The following PTRH2 variants were observed in gnomAD, a reference collection of about 807,000 sequenced individuals.
PTRH2 encodes peptidyl-tRNA hydrolase 2, also known as peptidyl-tRNA hydrolase 2, mitochondrial.
PTRH2 carries 10 observed loss-of-function variants against 12.3 expected under a neutral mutation model. The observed-to-expected ratio is 0.81, with a 90% CI of 0.50 to 1.38. The LOEUF (loss-of-function observed/expected upper bound fraction) is 1.38, where lower values mean the gene tolerates loss of function less well. Ranked by LOEUF, PTRH2 falls within the 40% of genes most tolerant of loss-of-function variation. The probability of loss-of-function intolerance (pLI) is 0.00; values close to 1 mark genes in which losing one functional copy is unlikely to be tolerated. For synonymous variants in PTRH2, 73 were observed against 77.4 expected, an observed-to-expected ratio of 0.94 and a Z score of 0.30; for missense variants, 176 against 214.1, an observed-to-expected ratio of 0.82 and a Z score of 1.11.
chr17:59,704,873 C>G (rs916925455), intron 1 of PTRH2, among the ~76,000 whole-genome samples: 5 of 152,144 alleles, frequency 3.3e-5, no homozygotes, highest in Admixed American at 2.0e-4. Flanking sequence ...ACTGCAACCT[C>G]TGCCTCCGGG....
At chr17:59,702,798 A>C (rs149384385) in intron 1 of PTRH2, among the ~76,000 whole-genome samples, 1 of 152,198 alleles carries the variant, frequency 6.6e-6, no homozygotes, top group Non-Finnish European at 1.5e-5. Context: ...CAAAAGCAAC[A>C]CATATTCAGT....
chr17:59,701,463 T>C lies in PTRH2; in HGVS notation c.1-3485A>G, dbSNP rs187216995. 1.1e-4 allele frequency: 17 copies of C among 152,272 alleles called. No individual in the cohort carries two copies. In the East Asian group the frequency reaches 2.9e-3, roughly 26 times the overall value. The allele number at this position is 152,272 out of a possible 1,614,324, so 9.4% of individuals were successfully genotyped here. A position where few individuals can be genotyped will look rare whatever the true frequency, so the allele number is the denominator to read the frequency against. ...ATTACAAAGAACATAGCTATAGGAA[T>C]GGGTATCTGAAATAGAAGTGTGACT... is the stretch of plus-strand genomic sequence containing the variant. On this transcript the variant is annotated intron_variant, in intron 1 of 1. Transcript: ENST00000393038.
intron 1 of PTRH2, among the ~76,000 whole-genome samples, chr17:59,705,279 G>A (rs2143652382): frequency 6.6e-6 from 1 of 152,292 alleles, no homozygotes; most frequent in African/African-American, 2.4e-5. Context: ...ACATAGAGAA[G>A]CTATTATGTG....
intron 1 of PTRH2, among the ~76,000 whole-genome samples, chr17:59,702,831 TTC>T (rs1056747240): frequency 1.3e-5 from 2 of 152,286 alleles, no homozygotes; most frequent in African/African-American, 2.4e-5. Flanking sequence ...CATACAAACA[TTC>T]TGTTTTTCAC....
chr17:59,700,865 T>C (rs2143643535), intron 1 of PTRH2: 1 of 152,256 alleles, frequency 6.6e-6, no homozygotes, highest in East Asian at 1.9e-4. Flanking sequence ...GGCAGGAAAG[T>C]ATTCCCCCTG....
chr17:59,701,955 C>T (rs1480640697), intron 1 of PTRH2, among the ~76,000 whole-genome samples: 3 of 151,540 alleles, frequency 2.0e-5, no homozygotes, highest in East Asian at 1.9e-4. Context: ...CCGCCCACCT[C>T]GGCCTCCCAA....
Position 59,697,620 on chromosome 17 carries a change from G to A in PTRH2, c.359C>T (p.Ala120Val), listed in dbSNP as rs1191611212. ...YCGQPKVVVKAPDEETLIALL... is the reference protein window; with the variant it reads ...YCGQPKVVVKVPDEETLIALL... ...TGCAATCAGGGTTTCTTCATCAGGA[G>A]CTTTGACCACCACCTTGGGCTGGCC... Residue 120 changes from alanine to valine, a missense_variant, in exon 2 of 2, where the codon GCT becomes GTT. Ala to Val is a moderately conservative substitution (Grantham distance 64). Coordinates refer to ENST00000393038, the MANE Select transcript of PTRH2 (RefSeq NM_016077.5). The A allele has an allele frequency of 1.2e-6, 2 of 1,614,074 alleles. No homozygotes were observed. Among genetic ancestry groups the A allele is most frequent in the Non-Finnish European group, 1.7e-6 (2 of 1,180,044 alleles).
At chr17:59,704,122 A>C (rs561253742) in intron 1 of PTRH2, among the ~76,000 whole-genome samples, 31 of 152,304 alleles carry the variant, frequency 2.0e-4, no homozygotes, top group African/African-American at 7.2e-4. Flanking sequence ...CCTTGTTCTT[A>C]ACATTACTAT....
At chr17:59,701,014 T>C (rs1243807857) in intron 1 of PTRH2, 1 of 152,240 alleles carries the variant, frequency 6.6e-6, no homozygotes, top group East Asian at 1.9e-4. Context: ...AATGGCAACA[T>C]ACTATTTGTG....
intron 1 of PTRH2, among the ~76,000 whole-genome samples, chr17:59,706,144 G>GT (rs555943071): frequency 1.2e-3 from 187 of 152,264 alleles, no homozygotes; most frequent in African/African-American, 4.4e-3. Context: ...TACGACAAGC[G>GT]TATCAATAAG....
At chr17:59,698,825 T>A (rs2033501091) in intron 1 of PTRH2, 1 of 709,708 alleles carries the variant, frequency 1.4e-6, no homozygotes, top group Non-Finnish European at 2.6e-6. Flanking sequence ...CTCCTGTAAT[T>A]TATTGAATAC....
chr17:59,697,891 C>A lies in PTRH2; in HGVS notation c.88G>T (p.Gly30Cys), dbSNP rs765174064. The change falls in exon 2 of 2, where the codon GGC (glycine) becomes TGC (cysteine). Residue 30 changes from glycine (G) to cysteine (C), a missense_variant. By Grantham distance (159) the Gly-to-Cys change is radical. Coordinates refer to ENST00000393038, the MANE Select transcript of PTRH2 (RefSeq NM_016077.5). The part of the protein sequence containing the change: ...AVGVACGMCL[G>C]WSLRVCFGML... ...CCAAAGCATACTCGAAGGCTCCAGCCCAGGCACATGCCACAAGCAACTCCA... is the reference window on the plus strand; with the variant it reads ...CCAAAGCATACTCGAAGGCTCCAGCACAGGCACATGCCACAAGCAACTCCA... 6 of 1,614,010 alleles carry A rather than the reference C, an allele frequency of 3.7e-6. No homozygotes were observed. In the South Asian group the frequency reaches 6.6e-5, roughly 18 times the overall value.
At chr17:59,705,269 AC>A (rs1214504004) in intron 1 of PTRH2, among the ~76,000 whole-genome samples, 1 of 152,254 alleles carries the variant, frequency 6.6e-6, no homozygotes, top group African/African-American at 2.4e-5. Context: ...GAACTGCTCT[AC>A]ATAGAGAAGC....
At chr17:59,703,562 T>A (rs891469109) in intron 1 of PTRH2, among the ~76,000 whole-genome samples, 2 of 152,150 alleles carry the variant, frequency 1.3e-5, no homozygotes, top group African/African-American at 4.8e-5. Flanking sequence ...TGGAGTGCAA[T>A]GGCACAATCT....
chr17:59,706,067 T>C (rs1469272536), intron 1 of PTRH2, among the ~76,000 whole-genome samples: 1 of 152,246 alleles, frequency 6.6e-6, no homozygotes, highest in Admixed American at 6.5e-5. Flanking sequence ...TCTAATCTCA[T>C]ATTAATCTGA....
Position 59,697,380 on chromosome 17 carries a change from A to G in PTRH2, c.*59T>C, listed in dbSNP as rs2033455922. On this transcript the variant is annotated 3_prime_UTR_variant, in exon 2 of 2. Coordinates refer to ENST00000393038, the MANE Select transcript of PTRH2 (RefSeq NM_016077.5). ...GTGAAGAAATTCAGCTTTTGTTGTT[A>G]GAATCTGACAGGCTTCAAACACTTG... The G allele has an allele frequency of 6.7e-7, 1 of 1,492,994 alleles. No homozygotes were observed. The highest frequency in any genetic ancestry group is 1.3e-5 in the South Asian group (1 of 76,320). 92.5% of individuals were successfully genotyped at this position (1,492,994 alleles called of 1,614,324 possible).
rs751148771 is a variant in PTRH2, at chr17:59,697,600, T to C, written c.379A>G (p.Ile127Val). The C allele has an allele frequency of 6.2e-7, 1 of 1,614,206 alleles. No homozygotes were observed. Among genetic ancestry groups the C allele is most frequent in the Non-Finnish European group, 8.5e-7 (1 of 1,180,034 alleles). The change falls in exon 2 of 2, where the codon ATT becomes GTT. Residue 127 changes from isoleucine (I) to valine (V), a missense_variant. Ile to Val is a conservative substitution (Grantham distance 29). Transcript: ENST00000393038. Reference sequence around the variant, plus strand: ...ATTTTTGCATGGGCCAATAATGCAATCAGGGTTTCTTCATCAGGAGCTTTG... The same window carrying C: ...ATTTTTGCATGGGCCAATAATGCAACCAGGGTTTCTTCATCAGGAGCTTTG... ...VVKAPDEETLIALLAHAKMLG... is the reference protein window; with the variant it reads ...VVKAPDEETLVALLAHAKMLG...
chr17:59,707,246 C>G (rs1394965586), intron 1 of PTRH2, 125 bp downstream of exon 1: 1 of 152,398 alleles, frequency 6.6e-6, no homozygotes, highest in Admixed American at 6.6e-5. Context: ...GGGCGGAAGA[C>G]AGTTTATAAA....
chr17:59,703,477 A>T (rs1598260455), intron 1 of PTRH2, among the ~76,000 whole-genome samples: 1 of 152,212 alleles, frequency 6.6e-6, no homozygotes, highest in Non-Finnish European at 1.5e-5. Flanking sequence ...CACCCAGCTC[A>T]TAAGTGGTCG....
Sources: allele counts gnomAD v4.1 joint callset (sites outside exome capture counted in the v4.1 genomes callset), GRCh38; gene constraint gnomAD v4.1.1; transcripts MANE v1.5; gene names NCBI Gene and HGNC (gene_info 2026-07-23, HGNC 2026-07-21).